Variants in SORCS3 observed in about 807,000 individuals in gnomAD.
SORCS3 encodes sortilin related VPS10 domain containing receptor 3.
In SORCS3, 57 loss-of-function variants were observed where a neutral mutation model predicts 146.3. The observed-to-expected ratio is 0.39, with a 90% CI of 0.31 to 0.49. The LOEUF is 0.49. Among genes scored for constraint, SORCS3 ranks in the 20% least tolerant of loss-of-function variants. SORCS3 has a pLI of 0.92. For synonymous variants in SORCS3, 653 were observed against 618.5 expected, an observed-to-expected ratio of 1.06 and a Z score of -0.83; for missense variants, 1,341 against 1,575.5, an observed-to-expected ratio of 0.85 and a Z score of 2.52.
At chr10:104,864,562 A>G (rs1389324536) in intron 2 of SORCS3, among the ~76,000 whole-genome samples, 1 of 152,088 alleles carries the variant, frequency 6.6e-6, no homozygotes, top group Non-Finnish European at 1.5e-5. Flanking sequence ...TCTCTCTTTC[A>G]TGGCCTCTTG....
At chr10:104,901,388 A>G (rs2018849652) in intron 2 of SORCS3, among the ~76,000 whole-genome samples, 1 of 152,226 alleles carries the variant, frequency 6.6e-6, no homozygotes, top group African/African-American at 2.4e-5. Context: ...AAGTTTGTGC[A>G]CTTAACCACT....
At chr10:105,132,218 C>T (rs576063713) in intron 7 of SORCS3, among the ~76,000 whole-genome samples, 5 of 152,054 alleles carry the variant, frequency 3.3e-5, no homozygotes, top group South Asian at 2.1e-4. Context: ...AGAAGGCTAA[C>T]GTGTACACAG....
chr10:104,843,569 T>C (rs1374284047), intron 2 of SORCS3, among the ~76,000 whole-genome samples: 3 of 152,190 alleles, frequency 2.0e-5, no homozygotes, highest in African/African-American at 7.2e-5. Flanking sequence ...GTGGATAAGT[T>C]TGCCCTGTTA....
At chr10:104,775,049 G>A (rs1170367415) in intron 1 of SORCS3, among the ~76,000 whole-genome samples, 1 of 152,180 alleles carries the variant, frequency 6.6e-6, no homozygotes, top group Non-Finnish European at 1.5e-5. Context: ...GGATGTGTGT[G>A]TGTTCAGTTT....
chr10:104,891,992 A>G (rs1213887302), intron 2 of SORCS3, among the ~76,000 whole-genome samples: 1 of 152,168 alleles, frequency 6.6e-6, no homozygotes, highest in Admixed American at 6.5e-5. Flanking sequence ...TGTTAAACAT[A>G]TTTTTCTCTA....
chr10:105,054,550 T>C (rs1476449541), intron 5 of SORCS3, among the ~76,000 whole-genome samples: 1 of 151,880 alleles, frequency 6.6e-6, no homozygotes, highest in Non-Finnish European at 1.5e-5. Flanking sequence ...CAATGGATAT[T>C]TTTAAGATTT....
chr10:105,214,351 T>G (rs1214676363), intron 17 of SORCS3, 91 bp from the exon 18 acceptor site: 2 of 1,405,526 alleles, frequency 1.4e-6, no homozygotes, highest in Admixed American at 1.8e-5. Flanking sequence ...CTTGCTCTCT[T>G]ACATTCCCTT....
chr10:104,801,832 T>G (rs1343934471), intron 1 of SORCS3, among the ~76,000 whole-genome samples: 1 of 152,224 alleles, frequency 6.6e-6, no homozygotes, highest in Non-Finnish European at 1.5e-5. Flanking sequence ...AGGGCAAGCT[T>G]CAGATCTGTT....
intron 4 of SORCS3, among the ~76,000 whole-genome samples, chr10:105,005,334 A>C (rs1413703949): frequency 6.6e-6 from 1 of 152,196 alleles, no homozygotes; most frequent in Non-Finnish European, 1.5e-5. Context: ...AACTACACAA[A>C]TTTTTGTGTA....
chr10:104,723,030 G>A (rs926191635), intron 1 of SORCS3, among the ~76,000 whole-genome samples: 3 of 152,084 alleles, frequency 2.0e-5, no homozygotes, highest in Non-Finnish European at 4.4e-5. Flanking sequence ...GCTTTTGAAT[G>A]TGATTGCTCT....
At chr10:105,145,263 A>G (rs1230622530) in intron 8 of SORCS3, among the ~76,000 whole-genome samples, 1 of 152,134 alleles carries the variant, frequency 6.6e-6, no homozygotes, top group Non-Finnish European at 1.5e-5. Context: ...TTGTAGGTTT[A>G]TATCTTAGTA....
chr10:104,798,287 G>C (rs1385181031), intron 1 of SORCS3, among the ~76,000 whole-genome samples: 1 of 152,126 alleles, frequency 6.6e-6, no homozygotes, highest in Non-Finnish European at 1.5e-5. Context: ...GAGCATGTCA[G>C]TATCTTAACT....
chr10:105,060,576 G>C (rs139142131), intron 5 of SORCS3, among the ~76,000 whole-genome samples: 19 of 152,106 alleles, frequency 1.2e-4, no homozygotes, highest in African/African-American at 4.3e-4. Flanking sequence ...TTCATTACTG[G>C]GGGCAGTGAG....
At chr10:105,194,690 T>C (rs1261216362) in intron 14 of SORCS3, among the ~76,000 whole-genome samples, 1 of 152,190 alleles carries the variant, frequency 6.6e-6, no homozygotes, top group Non-Finnish European at 1.5e-5. Context: ...TTCCGTAGGA[T>C]ACAGAGAAGT....
In SORCS3 at chr10:105,252,822, T is replaced by TC. The variant is rs1245474449; in HGVS notation, c.3154dup (p.Leu1052ProfsTer23). 14 of 1,613,864 alleles carry TC rather than the reference T, an allele frequency of 8.7e-6. No individual in the cohort carries two copies. Among genetic ancestry groups the TC allele is most frequent in the African/African-American group, 2.7e-5 (2 of 74,884 alleles). ...AGATCCTCATTGCCGTGTTTCCTGGTCTCCCCACTTCAGCAGAGCTTTTCA... is the reference window on the plus strand; with the variant it reads ...AGATCCTCATTGCCGTGTTTCCTGGTCCTCCCCACTTCAGCAGAGCTTTTCA... On this transcript the variant is annotated frameshift_variant, in exon 23 of 27. Transcript: ENST00000369701. LOFTEE classifies it high-confidence loss of function.
At chr10:105,245,295 T>C (rs530756541) in intron 20 of SORCS3, among the ~76,000 whole-genome samples, 161 of 152,240 alleles carry the variant, frequency 1.1e-3, no homozygotes, top group Non-Finnish European at 1.8e-3. Flanking sequence ...CAGAATGACA[T>C]GCAAAATCCA....
At chr10:105,225,227 G>T (rs1182586943) in intron 20 of SORCS3, among the ~76,000 whole-genome samples, 3 of 151,868 alleles carry the variant, frequency 2.0e-5, no homozygotes, top group African/African-American at 7.2e-5. Flanking sequence ...TTTACATTTA[G>T]ATCTATGATC....
chr10:104,810,077 ATGC>A (rs2017724101), intron 1 of SORCS3, among the ~76,000 whole-genome samples: 2 of 152,242 alleles, frequency 1.3e-5, no homozygotes, highest in African/African-American at 4.8e-5. Context: ...GCAGAGCCAT[ATGC>A]CACATCTTGA....
chr10:104,823,463 C>T (rs1413461192), intron 1 of SORCS3, among the ~76,000 whole-genome samples: 1 of 152,076 alleles, frequency 6.6e-6, no homozygotes, highest in African/African-American at 2.4e-5. Flanking sequence ...GATTCCCTCC[C>T]ACCTCCCTTC....
Sources: allele counts gnomAD v4.1 joint callset (sites outside exome capture counted in the v4.1 genomes callset), GRCh38; gene constraint gnomAD v4.1.1; transcripts MANE v1.5; gene names NCBI Gene and HGNC (gene_info 2026-07-23, HGNC 2026-07-21).